SYN3: variants seen among roughly 807,000 people sequenced by gnomAD.
SYN3 encodes synapsin-3.
In SYN3, 35 loss-of-function variants were observed where a neutral mutation model predicts 65.8. The ratio of observed to expected loss-of-function variants is 0.53; its 90% CI spans 0.41 to 0.70. SYN3 has a LOEUF of 0.70. Among genes scored for constraint, SYN3 ranks in the 30% least tolerant of loss-of-function variants. SYN3 has a pLI of 0.00. For missense variants in SYN3, 680 were observed against 749.0 expected, an observed-to-expected ratio of 0.91 and a Z score of 1.08; for synonymous variants, 270 against 292.9, an observed-to-expected ratio of 0.92 and a Z score of 0.80.
chr22:32,552,213 T>C (rs917792067), intron 7 of SYN3, among the ~76,000 whole-genome samples: 1 of 152,078 alleles, frequency 6.6e-6, no homozygotes, highest in Non-Finnish European at 1.5e-5. Flanking sequence ...GCCACTGCAC[T>C]CCAGCCCGGG....
At chr22:32,841,099 G>A (rs2047887964) in intron 6 of SYN3, among the ~76,000 whole-genome samples, 2 of 152,232 alleles carry the variant, frequency 1.3e-5, no homozygotes, top group African/African-American at 4.8e-5. Flanking sequence ...CACTCTGTGT[G>A]TGGCACTTTA....
At chr22:32,753,730 G>C (rs2045209555) in intron 6 of SYN3, among the ~76,000 whole-genome samples, 1 of 152,132 alleles carries the variant, frequency 6.6e-6, no homozygotes, top group African/African-American at 2.4e-5. Flanking sequence ...CCCTCCTTTG[G>C]CCAACACAGA....
At chr22:32,557,281 C>G in intron 7 of SYN3, among the ~76,000 whole-genome samples, 1 of 151,040 alleles carries the variant, frequency 6.6e-6, no homozygotes, top group African/African-American at 2.4e-5. Context: ...AAAGGGCATG[C>G]GGCTGAGGGG....
intron 4 of SYN3, among the ~76,000 whole-genome samples, chr22:32,899,079 C>T (rs1041296037): frequency 8.4e-5 from 6 of 71,654 alleles, no homozygotes; most frequent in East Asian, 6.7e-4. Context: ...TCCAGCTTGG[C>T]GACAGAGTGA....
chr22:32,559,132 C>T (rs368136177), intron 7 of SYN3, among the ~76,000 whole-genome samples: 2 of 152,184 alleles, frequency 1.3e-5, no homozygotes, highest in Admixed American at 1.3e-4. Flanking sequence ...TGAACAACTG[C>T]GGCCCAGCAA....
At chr22:32,816,050 G>T (rs1421334032) in intron 6 of SYN3, among the ~76,000 whole-genome samples, 1 of 152,154 alleles carries the variant, frequency 6.6e-6, no homozygotes, top group Non-Finnish European at 1.5e-5. Context: ...AAGCAGGCTC[G>T]TCTCCTCTGG....
Position 32,721,426 on chromosome 22 carries a change from TCATC to T in SYN3, c.712-124694_712-124691del, listed in dbSNP as rs561324782. Among the ~76,000 whole-genome samples the T allele has an allele frequency of 7.9e-5, 12 of 152,116 alleles. 1 individual carries two copies. The South Asian group carries it at 1.9e-3, about 24-fold the overall frequency. ...GTGTCTTCAATAAAACCCCCAGAAATCATCCATCCATCCATCCATCCATCCATCC... is the reference window on the plus strand; with the variant it reads ...GTGTCTTCAATAAAACCCCCAGAAATCATCCATCCATCCATCCATCCATCC... On this transcript the variant is annotated intron_variant, in intron 6 of 13. Coordinates refer to ENST00000358763, the MANE Select transcript of SYN3 (RefSeq NM_003490.4).
chr22:32,611,329 T>G (rs1018276587), intron 6 of SYN3, among the ~76,000 whole-genome samples: 10 of 141,016 alleles, frequency 7.1e-5, no homozygotes, highest in Admixed American at 2.4e-4. Flanking sequence ...AGTCTCGCCC[T>G]GTTGCCCAGG....
intron 2 of SYN3, among the ~76,000 whole-genome samples, chr22:32,984,081 G>A (rs755742439): frequency 1.4e-5 from 2 of 144,772 alleles, no homozygotes; most frequent in Non-Finnish European, 3.0e-5. Context: ...AGAATCGCTT[G>A]AACCTGGGAG....
intron 7 of SYN3, among the ~76,000 whole-genome samples, chr22:32,552,912 C>T (rs559965844): frequency 2.0e-5 from 3 of 152,218 alleles, no homozygotes; most frequent in Non-Finnish European, 4.4e-5. Flanking sequence ...GCGGCTTAAA[C>T]AGCAGACATT....
At chr22:32,644,676 C>G (rs2059958836) in intron 6 of SYN3, among the ~76,000 whole-genome samples, 1 of 152,226 alleles carries the variant, frequency 6.6e-6, no homozygotes, top group African/African-American at 2.4e-5. Context: ...AGTGACATTC[C>G]TTTCCCTCCT....
In SYN3 at chr22:32,565,413, GTGTA is replaced by G. The variant is rs925585723; in HGVS notation, c.775-23704_775-23701del. On this transcript the variant is annotated intron_variant, in intron 7 of 13. Transcript: ENST00000358763. ...GAAATAGGTGAACATAATTTTAATA[GTGTA>G]TGTATGTATGTACATATATATACAC... Among the ~76,000 whole-genome samples, 9 of 151,848 alleles carry G rather than the reference GTGTA, an allele frequency of 5.9e-5. No individual in the cohort carries two copies. In the South Asian group the frequency reaches 8.3e-4, roughly 14 times the overall value.
At chr22:32,836,073 T>C (rs2047721685) in intron 6 of SYN3, among the ~76,000 whole-genome samples, 1 of 152,236 alleles carries the variant, frequency 6.6e-6, no homozygotes. Flanking sequence ...CTGGGCATAT[T>C]TGGATTCCTA....
At chr22:32,840,464 G>C (rs993085513) in intron 6 of SYN3, among the ~76,000 whole-genome samples, 1 of 152,066 alleles carries the variant, frequency 6.6e-6, no homozygotes, top group African/African-American at 2.4e-5. Flanking sequence ...TCTGAAGAGA[G>C]AGAGTTCCTC....
chr22:32,727,986 G>C (rs2061219674), intron 6 of SYN3, among the ~76,000 whole-genome samples: 1 of 152,092 alleles, frequency 6.6e-6, no homozygotes, highest in Non-Finnish European at 1.5e-5. Context: ...ACAAGCAATG[G>C]GGAAAGGATT....
At chr22:32,547,890 T>G (rs1435871468) in intron 7 of SYN3, among the ~76,000 whole-genome samples, 1 of 152,192 alleles carries the variant, frequency 6.6e-6, no homozygotes, top group African/African-American at 2.4e-5. Context: ...CTCTAACCTG[T>G]TCTGGTGTAT....
intron 6 of SYN3, among the ~76,000 whole-genome samples, chr22:32,761,268 T>C (rs930749127): frequency 5.9e-5 from 9 of 152,204 alleles, no homozygotes; most frequent in Non-Finnish European, 1.3e-4. Flanking sequence ...ATTGGACTAG[T>C]TGATTACCAA....
chr22:32,509,811 G>A lies in SYN3; in HGVS notation c.*3881C>T, dbSNP rs749719772. On this transcript the variant is annotated 3_prime_UTR_variant, in exon 14 of 14. Coordinates refer to ENST00000358763, the MANE Select transcript of SYN3 (RefSeq NM_003490.4). ...TCTCGATCTCCTGACCTAGTCATCC[G>A]CCCACCTCGGCCTCCCAAAGTGCTG... Among the ~76,000 whole-genome samples, 6 of 152,012 alleles carry A rather than the reference G, an allele frequency of 3.9e-5. No homozygotes were observed. Among genetic ancestry groups the A allele is most frequent in the East Asian group, 1.9e-4 (1 of 5,182 alleles).
chr22:32,896,288 C>T (rs559044469), intron 4 of SYN3, among the ~76,000 whole-genome samples: 41 of 152,178 alleles, frequency 2.7e-4, no homozygotes, highest in African/African-American at 9.9e-4. Context: ...AACCCCGACT[C>T]TACTGAAAAA....
Sources: allele counts gnomAD v4.1 joint callset (sites outside exome capture counted in the v4.1 genomes callset), GRCh38; gene constraint gnomAD v4.1.1; transcripts MANE v1.5; gene names NCBI Gene and HGNC (gene_info 2026-07-23, HGNC 2026-07-21).